Variants in ANKRD36B observed in about 807,000 individuals in gnomAD.
ANKRD36B encodes the protein ankyrin repeat domain 36B.
In ANKRD36B, 37 loss-of-function variants were observed where a neutral mutation model predicts 135.7. That is an observed-to-expected ratio of 0.27 (90% CI 0.21 to 0.36). ANKRD36B has a LOEUF of 0.36. Ranked by LOEUF, ANKRD36B falls within the 10% of genes least tolerant of loss-of-function variation. ANKRD36B has a pLI of 1.00. For missense variants in ANKRD36B, 549 were observed against 1,037.1 expected (o/e 0.53, Z 6.46); for synonymous variants, 179 against 348.1 (o/e 0.51, Z 5.41).
intron 20 of ANKRD36B, 105 bp downstream of exon 20, chr2:97,549,314 A>G: frequency 7.4e-7 from 1 of 1,348,688 alleles, no homozygotes; most frequent in South Asian, 1.3e-5. Flanking sequence ...TGGCCTGCTG[A>G]ATCAGAAAGT....
At chr2:97,574,294 A>G (rs1225922560) in intron 6 of ANKRD36B, among the ~76,000 whole-genome samples, 3 of 152,212 alleles carry the variant, frequency 2.0e-5, no homozygotes, top group African/African-American at 7.2e-5. Flanking sequence ...AAAAATGCTC[A>G]TCATCACTGG....
In ANKRD36B at chr2:97,574,416, T is replaced by C. The variant is rs376105784; in HGVS notation, c.763+1963A>G. Among the ~76,000 whole-genome samples the C allele has an allele frequency of 1.2e-4, 18 of 152,190 alleles. No homozygotes were observed. The South Asian group carries it at 3.1e-3, about 26-fold the overall frequency. ...AGGTGCTGGAGAGGATGTGGAGAAA[T>C]AGGAACACTTTTACACTGTTGGTGG... On this transcript the variant is annotated intron_variant, in intron 6 of 43. Coordinates refer to ENST00000359901, the MANE Select transcript of ANKRD36B (RefSeq NM_001393939.1).
At position 97,507,071 on chromosome 2, in the gene ANKRD36B, A is replaced by G. The variant is rs1315693124; in HGVS notation, c.4039-6T>C. On this transcript the variant is annotated splice_polypyrimidine_tract_variant and splice_region_variant and intron_variant, in intron 42 of 43. Transcript: ENST00000359901. ...CTCTCAAACACCTGCAGCATCTGAA[A>G]TAAATCAAATATTACTTATAATGTT... The G allele has an allele frequency of 4.4e-6, 1 of 228,114 alleles. No homozygotes were observed. Among genetic ancestry groups the G allele is most frequent in the East Asian group, 4.0e-5 (1 of 25,300 alleles). 14.1% of individuals were successfully genotyped at this position (228,114 alleles called of 1,614,324 possible).
At chr2:97,570,908 A>G (rs1397275597) in intron 6 of ANKRD36B, among the ~76,000 whole-genome samples, 1 of 152,208 alleles carries the variant, frequency 6.6e-6, no homozygotes, top group African/African-American at 2.4e-5. Context: ...ACCTGTGACT[A>G]CGATCAGAAG....
At chr2:97,579,529 TATATATATATGGAGG>T (rs2082447045) in intron 4 of ANKRD36B, among the ~76,000 whole-genome samples, 1 of 148,000 alleles carries the variant, frequency 6.8e-6, no homozygotes, top group African/African-American at 2.5e-5. Context: ...ACACTATATA[TATATATATATGGAGG>T]ATAATAATAT....
intron 12 of ANKRD36B, among the ~76,000 whole-genome samples, chr2:97,556,688 T>A (rs189384350): frequency 6.6e-6 from 1 of 152,062 alleles, no homozygotes; most frequent in East Asian, 1.9e-4. Flanking sequence ...GATCCTCTTA[T>A]GTCTTCAACT....
chr2:97,548,999 T>C (rs113807924), intron 20 of ANKRD36B, among the ~76,000 whole-genome samples: 3,951 of 151,572 alleles, frequency 0.026, no homozygotes, highest in African/African-American at 0.09. Context: ...TCCTTAGTTC[T>C]CCTACAGTGT....
At chr2:97,573,719 A>C (rs1251734925) in intron 6 of ANKRD36B, among the ~76,000 whole-genome samples, 2 of 152,184 alleles carry the variant, frequency 1.3e-5, no homozygotes, top group Non-Finnish European at 2.9e-5. Flanking sequence ...GAACAGAGCC[A>C]TCAGAAATAA....
chr2:97,572,204 C>A (rs548354883), intron 6 of ANKRD36B, among the ~76,000 whole-genome samples: 1 of 151,734 alleles, frequency 6.6e-6, no homozygotes, highest in East Asian at 1.9e-4. Context: ...ACCACCTGAA[C>A]CCAGAAGTTT....
rs1481693027 is a variant in ANKRD36B, at chr2:97,585,252, A to G, written c.276+32T>C. The G allele has an allele frequency of 3.8e-6, 6 of 1,580,586 alleles. No individual in the cohort carries two copies. In the African/African-American group the frequency reaches 6.7e-5, roughly 18 times the overall value. On this transcript the variant is annotated intron_variant, in intron 2 of 43. Coordinates refer to ENST00000359901, the MANE Select transcript of ANKRD36B (RefSeq NM_001393939.1). ...TATCCTATGTACTTCAACCAAATCC[A>G]TCTCATGCTCAAAGAGTCAGCTACT... is the stretch of plus-strand genomic sequence containing the variant.
At chr2:97,525,511 G>A (rs1164045395) in intron 35 of ANKRD36B, among the ~76,000 whole-genome samples, 1 of 96,198 alleles carries the variant, frequency 1.0e-5, no homozygotes, top group South Asian at 2.3e-4. Flanking sequence ...TCCATCTGAG[G>A]TACCAGGTTC....
At chr2:97,553,735 CAT>C (rs1317499039) in intron 14 of ANKRD36B, among the ~76,000 whole-genome samples, 1 of 151,934 alleles carries the variant, frequency 6.6e-6, no homozygotes, top group African/African-American at 2.4e-5. Context: ...CATGCACCCA[CAT>C]GTCTTTTATG....
At chr2:97,514,844 C>T (rs1281924620) in intron 37 of ANKRD36B, among the ~76,000 whole-genome samples, 1 of 86,064 alleles carries the variant, frequency 1.2e-5, no homozygotes, top group East Asian at 2.4e-4. Flanking sequence ...ATAAGCTAAT[C>T]AGTAATCACT....
intron 43 of ANKRD36B, among the ~76,000 whole-genome samples, chr2:97,493,707 T>C (rs2077270904): frequency 2.2e-5 from 1 of 44,474 alleles, no homozygotes; most frequent in African/African-American, 5.6e-5. Context: ...AGACATGAGC[T>C]AAAGACCTTA....
chr2:97,558,131 A>G (rs1576992823), intron 10 of ANKRD36B, among the ~76,000 whole-genome samples: 1 of 151,970 alleles, frequency 6.6e-6, no homozygotes, highest in African/African-American at 2.4e-5. Flanking sequence ...AACAAAACGT[A>G]TATCTCTGAT....
rs1277503748 is a variant in ANKRD36B, at chr2:97,528,593, CA to C, written c.2265+3717del. Among the ~76,000 whole-genome samples the C allele has an allele frequency of 9.6e-5, 9 of 94,038 alleles. 2 individuals carry two copies. The highest frequency in any genetic ancestry group is 2.5e-4 in the African/African-American group (8 of 31,408). The allele number at this position is 94,038 out of a possible 152,430, so 61.7% of individuals were successfully genotyped here. On this transcript the variant is annotated intron_variant, in intron 35 of 43. Transcript: ENST00000359901. Reference sequence around the variant, plus strand: ...GGAAATAGAGACACAAAAAACCCTTCAAAAAATTAATGAATCCAGGAGCCGG... The same window carrying C: ...GGAAATAGAGACACAAAAAACCCTTCAAAAATTAATGAATCCAGGAGCCGG...
Position 97,524,101 on chromosome 2 carries a change from G to A in ANKRD36B, c.2266-634C>T, listed in dbSNP as rs1247178717. 2.2e-5 allele frequency: 2 copies of A among 90,176 alleles called. 1 individual carries two copies. Among genetic ancestry groups the A allele is most frequent in the Non-Finnish European group, 5.8e-5 (2 of 34,416 alleles). 5.6% of individuals were successfully genotyped at this position (90,176 alleles called of 1,614,324 possible). The stretch of plus-strand genomic sequence containing the variant: ...TTTCATATTTATTTGCACTACAGTT[G>A]TCACATAACGGCTTCTGGAACACAT... On this transcript the variant is annotated intron_variant, in intron 35 of 43. Coordinates refer to ENST00000359901, the MANE Select transcript of ANKRD36B (RefSeq NM_001393939.1).
chr2:97,508,435 TAC>T (rs1256920108), intron 40 of ANKRD36B, among the ~76,000 whole-genome samples: 3 of 82,708 alleles, frequency 3.6e-5, no homozygotes, highest in African/African-American at 1.0e-4. Flanking sequence ...GCTTTTGAAT[TAC>T]ATTTTATCAA....
At chr2:97,561,802 T>A (rs1170059606) in intron 6 of ANKRD36B, among the ~76,000 whole-genome samples, 1 of 151,944 alleles carries the variant, frequency 6.6e-6, no homozygotes, top group Non-Finnish European at 1.5e-5. Flanking sequence ...AGCCAATGTA[T>A]GCATATTCAC....
Sources: gnomAD v4.1 joint callset for allele counts (sites outside exome capture counted in the v4.1 genomes callset) on GRCh38, gnomAD v4.1.1 for gene constraint, MANE v1.5 for transcripts, NCBI Gene and HGNC (gene_info 2026-07-23, HGNC 2026-07-21) for gene names.